The following MED14 variants were observed in gnomAD, a reference collection of about 807,000 sequenced individuals.
The protein encoded by MED14 is mediator of RNA polymerase II transcription subunit 14.
A neutral mutation model predicts 109.0 loss-of-function variants in MED14; 8 were observed. The ratio of observed to expected loss-of-function variants is 0.07; its 90% CI spans 0.04 to 0.13. The LOEUF (loss-of-function observed/expected upper bound fraction) is 0.13, where lower values mean the gene tolerates loss of function less well. Ranked by LOEUF, MED14 falls within the 10% of genes least tolerant of loss-of-function variation. The pLI, the probability that MED14 is intolerant of heterozygous loss-of-function variation, is 1.00. For synonymous variants in MED14, 399 were observed against 408.7 expected, an observed-to-expected ratio of 0.98 and a Z score of 0.29; for missense variants, 711 against 1,142.4, an observed-to-expected ratio of 0.62 and a Z score of 5.44.
chrX:40,730,837 A>T (rs982793578), intron 1 of MED14, among the ~76,000 whole-genome samples: 19 of 104,003 alleles, frequency 1.8e-4, no homozygotes, highest in African/African-American at 5.9e-4. Context: ...AAAGAAGTTT[A>T]AAAAAAAGGG....
chrX:40,691,607 C>CTTTTTTTTTTTTTT lies in MED14; in HGVS notation c.1980+562_1980+575dup, dbSNP rs36144185. Among the ~76,000 whole-genome samples the CTTTTTTTTTTTTTT allele has an allele frequency of 1.2e-4, 7 of 59,456 alleles. 2 individuals carry two copies. The highest frequency in any genetic ancestry group is 1.8e-4 in the Non-Finnish European group (6 of 33,191). The allele number at this position is 59,456 out of a possible 115,157, so 51.6% of individuals were successfully genotyped here. ...CAGCCTGTCCACTTTTTCTTTTAATCTTTTTTTTTTTTTTTTTTTTTGGAG... is the reference window on the plus strand; with the variant it reads ...CAGCCTGTCCACTTTTTCTTTTAATCTTTTTTTTTTTTTTTTTTTTTTTTTTTTTTTTTTTGGAG... On this transcript the variant is annotated intron_variant, in intron 15 of 30. Transcript: ENST00000324817.
upstream of MED14, chrX:40,735,872 G>A: frequency 3.5e-6 from 1 of 281,878 alleles, no homozygotes; most frequent in South Asian, 3.2e-5. Context: ...GAGCGCGCGG[G>A]AGAGCGGAAA....
chrX:40,678,520 T>C (rs1014283539), intron 21 of MED14, among the ~76,000 whole-genome samples: 7 of 111,364 alleles, frequency 6.3e-5, no homozygotes, highest in Non-Finnish European at 1.3e-4. Flanking sequence ...TCAAAATTGC[T>C]ACCTAACCAT....
Position 40,720,467 on chromosome X carries a change from G to A in MED14, c.349-5757C>T, listed in dbSNP as rs946787169. Among the ~76,000 whole-genome samples the A allele has an allele frequency of 2.0e-4, 23 of 112,241 alleles. 1 individual carries two copies. The Admixed American group carries it at 2.1e-3, about 10-fold the overall frequency. On this transcript the variant is annotated intron_variant, in intron 3 of 30. Coordinates refer to ENST00000324817, the MANE Select transcript of MED14 (RefSeq NM_004229.4). ...AGCATTTGGACCAGCCTTGGCTAGA[G>A]AATTGCCCATCGCAGCGGTTGGAAC...
At chrX:40,710,651 C>T (rs191314099) in intron 8 of MED14, among the ~76,000 whole-genome samples, 7 of 111,390 alleles carry the variant, frequency 6.3e-5, no homozygotes, top group African/African-American at 1.9e-4. Context: ...TCTAACCTAA[C>T]GGTCTTTTAG....
rs1280886206 is a variant in MED14 at position 40,651,676 on chromosome X, T to C, written c.*130A>G. ...TGAAAGAAGTGCACCCTGAAAATTT[T>C]TGCCAGTTTAGAATATTTAGCTCTT... On this transcript the variant is annotated 3_prime_UTR_variant, in exon 31 of 31. Transcript: ENST00000324817. 2 of 1,049,222 alleles carry C rather than the reference T, an allele frequency of 1.9e-6. No homozygotes were observed. Among genetic ancestry groups the C allele is most frequent in the Non-Finnish European group, 2.4e-6 (2 of 818,127 alleles). The allele number at this position is 1,049,222 out of a possible 1,213,427, so 86.5% of individuals were successfully genotyped here. A position where few individuals can be genotyped will look rare whatever the true frequency, so the allele number is the denominator to read the frequency against.
chrX:40,654,472 T>C lies in MED14; in HGVS notation c.4183A>G (p.Thr1395Ala). ...VPIIYDMASG[T>A]TQQADIPRQQ... The stretch of plus-strand genomic sequence containing the variant: ...CTGGGAATGTCTGCCTGCTGGGTTG[T>C]ACCTGAAGCCATGTCATAAATGATT... The change falls in exon 30 of 31, where the codon ACA (threonine) becomes GCA (alanine). Residue 1395 changes from threonine to alanine, a missense_variant. Physicochemically the swap from Thr to Ala is moderately conservative, Grantham distance 58. Transcript: ENST00000324817. 8.3e-7 allele frequency: 1 copy of C among 1,211,370 alleles called. No individual in the cohort carries two copies. The highest frequency in any genetic ancestry group is 1.1e-6 in the Non-Finnish European group (1 of 895,116).
In MED14 at chrX:40,718,222, T is replaced by C. The variant is rs1184017750; in HGVS notation, c.349-3512A>G. On this transcript the variant is annotated intron_variant, in intron 3 of 30. Transcript: ENST00000324817. Reference sequence around the variant, plus strand: ...TCTATCAATGCCACCAACACTAACTTCTTATTAACAGTCATGACACTGCTA... The same window carrying C: ...TCTATCAATGCCACCAACACTAACTCCTTATTAACAGTCATGACACTGCTA... 1.3e-4 allele frequency among the ~76,000 whole-genome samples: 15 copies of C among 112,426 alleles called. No individual in the cohort carries two copies. In the Admixed American group the frequency reaches 1.4e-3, roughly 11 times the overall value.
intron 22 of MED14, among the ~76,000 whole-genome samples, chrX:40,674,594 G>A (rs756811910): frequency 1.8e-5 from 2 of 111,959 alleles, no homozygotes; most frequent in Non-Finnish European, 3.8e-5. Context: ...GAAGACTCCG[G>A]CCCAGAGTCT....
intron 16 of MED14, among the ~76,000 whole-genome samples, chrX:40,685,141 AACC>A (rs1930249981): frequency 8.9e-6 from 1 of 112,119 alleles, no homozygotes; most frequent in Non-Finnish European, 1.9e-5. Flanking sequence ...ACAATGGATT[AACC>A]TATCTGAAAA....
chrX:40,733,500 GA>G (rs1455293754), intron 1 of MED14, among the ~76,000 whole-genome samples: 1 of 111,987 alleles, frequency 8.9e-6, no homozygotes, highest in East Asian at 2.8e-4. Context: ...TTGTGGAGAA[GA>G]AACTATAGAA....
intron 23 of MED14, among the ~76,000 whole-genome samples, chrX:40,667,705 A>G (rs1272022247): frequency 8.9e-6 from 1 of 112,357 alleles, no homozygotes; most frequent in East Asian, 2.8e-4. Context: ...GCTGTGGGAC[A>G]GACTATAGAG....
intron 2 of MED14, 69 bp downstream of exon 2, chrX:40,729,250 T>A: frequency 9.3e-7 from 1 of 1,070,610 alleles, no homozygotes; most frequent in South Asian, 2.1e-5. Flanking sequence ...ACACCACCCA[T>A]ACCCACACAC....
chrX:40,651,075 G>T lies in MED14; in HGVS notation c.*731C>A, dbSNP rs2146600818. Reference sequence around the variant, plus strand: ...CTATATATTGAAAGACAACCAAGGTGCTAAATGTTAACCACTAGTCAAGTT... The same window carrying T: ...CTATATATTGAAAGACAACCAAGGTTCTAAATGTTAACCACTAGTCAAGTT... On this transcript the variant is annotated 3_prime_UTR_variant, in exon 31 of 31. Transcript: ENST00000324817. The T allele has an allele frequency of 1.3e-6, 1 of 750,388 alleles. No individual in the cohort carries two copies. Among genetic ancestry groups the T allele is most frequent in the African/African-American group, 2.3e-5 (1 of 43,204 alleles). 61.8% of individuals were successfully genotyped at this position (750,388 alleles called of 1,213,427 possible). A position where few individuals can be genotyped will look rare whatever the true frequency, so the allele number is the denominator to read the frequency against.
intron 3 of MED14, among the ~76,000 whole-genome samples, chrX:40,721,011 C>T (rs1477920321): frequency 3.6e-5 from 4 of 111,038 alleles, no homozygotes; most frequent in East Asian, 2.9e-4. Flanking sequence ...GGTAGTATGC[C>T]GTGGACCTTG....
Position 40,650,422 on chromosome X carries a change from T to TG in MED14, c.*1383dup. 10 of 754,044 alleles carry TG rather than the reference T, an allele frequency of 1.3e-5. No individual in the cohort carries two copies. The highest frequency in any genetic ancestry group is 1.4e-5 in the Non-Finnish European group (9 of 638,881). 62.1% of individuals were successfully genotyped at this position (754,044 alleles called of 1,213,427 possible). On this transcript the variant is annotated 3_prime_UTR_variant, in exon 31 of 31. Transcript: ENST00000324817. ...TTATAGAAGCTCAATTAAATCATCT[T>TG]GAAGTGGAATTAGACAAAGCATCTA...
At chrX:40,674,562 T>C (rs1569283265) in intron 22 of MED14, among the ~76,000 whole-genome samples, 1 of 112,048 alleles carries the variant, frequency 8.9e-6, no homozygotes, top group East Asian at 2.8e-4. Context: ...TGTGCTCATA[T>C]ACAACTAAAA....
chrX:40,685,429 G>C (rs1450269869), intron 16 of MED14, among the ~76,000 whole-genome samples: 1 of 112,589 alleles, frequency 8.9e-6, no homozygotes, highest in African/African-American at 3.2e-5. Flanking sequence ...TTGCACACGT[G>C]TATGAAGGAC....
chrX:40,701,436 C>T (rs770469372), intron 11 of MED14, among the ~76,000 whole-genome samples, 193 bp from the exon 12 acceptor site: 1 of 111,964 alleles, frequency 8.9e-6, no homozygotes, highest in East Asian at 2.8e-4. Context: ...CCCTCTTTAA[C>T]TTTTAGGGAG....
Sources: allele counts gnomAD v4.1 joint callset (sites outside exome capture counted in the v4.1 genomes callset), GRCh38; gene constraint gnomAD v4.1.1; transcripts MANE v1.5; gene names NCBI Gene and HGNC (gene_info 2026-07-23, HGNC 2026-07-21).